Variants in SFXN5 observed in about 807,000 individuals in gnomAD.
SFXN5 encodes the protein sideroflexin-5.
A neutral mutation model predicts 50.2 loss-of-function variants in SFXN5; 43 were observed. That is an observed-to-expected ratio of 0.86 (90% CI 0.67 to 1.11). SFXN5 has a LOEUF of 1.11. SFXN5 is among the 50% of genes least tolerant of loss of function. The pLI is 0.00. For missense variants in SFXN5, 463 were observed against 454.1 expected, an observed-to-expected ratio of 1.02 and a Z score of -0.18; for synonymous variants, 203 against 185.8, an observed-to-expected ratio of 1.09 and a Z score of -0.75.
At chr2:73,037,477 G>A (rs1679131673) in intron 3 of SFXN5, among the ~76,000 whole-genome samples, 1 of 152,194 alleles carries the variant, frequency 6.6e-6, no homozygotes, top group Admixed American at 6.5e-5. Context: ...GAGAAAAAGT[G>A]ATGAAAGCAA....
chr2:73,006,185 C>T (rs185836715), intron 6 of SFXN5, among the ~76,000 whole-genome samples: 52 of 152,102 alleles, frequency 3.4e-4, no homozygotes, highest in African/African-American at 1.2e-3. Flanking sequence ...AATCCCTGGT[C>T]CAAGGAGGAG....
intron 3 of SFXN5, 121 bp downstream of exon 3, chr2:73,040,733 A>T: frequency 4.3e-6 from 3 of 698,052 alleles, no homozygotes; most frequent in South Asian, 4.0e-5. Context: ...CCACAGGGGT[A>T]TGTACCAGCA....
chr2:73,028,025 A>G (rs566952976), intron 3 of SFXN5, among the ~76,000 whole-genome samples: 1 of 152,260 alleles, frequency 6.6e-6, no homozygotes, highest in East Asian at 1.9e-4. Context: ...ATACACAAAT[A>G]CCATGTGTTC....
At chr2:73,007,202 C>G (rs571758609) in intron 6 of SFXN5, among the ~76,000 whole-genome samples, 53 of 152,254 alleles carry the variant, frequency 3.5e-4, no homozygotes, top group South Asian at 1.7e-3. Flanking sequence ...GCCCCCACCC[C>G]CTTGGCCACC....
intron 3 of SFXN5, among the ~76,000 whole-genome samples, chr2:73,035,210 A>G (rs1318592303): frequency 6.6e-6 from 1 of 152,178 alleles, no homozygotes; most frequent in East Asian, 1.9e-4. Context: ...CACCATGGGG[A>G]GGGGTCTTCC....
intron 2 of SFXN5, among the ~76,000 whole-genome samples, chr2:73,046,883 CTACAA>C (rs1680411100): frequency 6.7e-6 from 1 of 148,202 alleles, no homozygotes; most frequent in African/African-American, 2.5e-5. Context: ...TTTTTTTTTC[CTACAA>C]TACATTTAAA....
At position 73,038,141 on chromosome 2, in the gene SFXN5, C is replaced by T. The variant is rs34705317; in HGVS notation, c.249+2713G>A. On this transcript the variant is annotated intron_variant, in intron 3 of 13. Transcript: ENST00000272433. ...AACCTAGATGGGCAAGCCTGCAACA[C>T]ACCTAGGCTACCTCGTAGGTAGAGC... 4.6e-3 allele frequency among the ~76,000 whole-genome samples: 699 copies of T among 152,352 alleles called. 5 individuals carry two copies. The highest frequency in any genetic ancestry group is 6.8e-3 in the Non-Finnish European group (461 of 68,038).
intron 10 of SFXN5, among the ~76,000 whole-genome samples, chr2:72,975,149 G>C (rs1670484786): frequency 6.6e-6 from 1 of 152,224 alleles, no homozygotes; most frequent in Non-Finnish European, 1.5e-5. Context: ...TCAGTGTTAA[G>C]TCCTGAAGAG....
At chr2:73,014,928 C>G (rs1675962147) in intron 6 of SFXN5, among the ~76,000 whole-genome samples, 1 of 152,120 alleles carries the variant, frequency 6.6e-6, no homozygotes, top group Non-Finnish European at 1.5e-5. Flanking sequence ...CTTTCCAACT[C>G]TAATACCATT....
In SFXN5 at chr2:73,029,627, G is replaced by A. The variant is rs1020413529; in HGVS notation, c.250-6413C>T. 1.2e-4 allele frequency among the ~76,000 whole-genome samples: 19 copies of A among 152,168 alleles called. 1 individual carries two copies. Among genetic ancestry groups the A allele is most frequent in the African/African-American group, 3.4e-4 (14 of 41,444 alleles). On this transcript the variant is annotated intron_variant, in intron 3 of 13. Coordinates refer to ENST00000272433, the MANE Select transcript of SFXN5 (RefSeq NM_144579.3). ...CAGGCCTCCTCACCTAGGTCTCCCC[G>A]GCACTGGAGCATGTCAGTGTCTGAG...
intron 10 of SFXN5, among the ~76,000 whole-genome samples, chr2:72,972,838 G>T (rs566783827): frequency 6.6e-6 from 1 of 152,240 alleles, no homozygotes; most frequent in African/African-American, 2.4e-5. Flanking sequence ...GGGAGTGTGT[G>T]AGCCTGGGAG....
chr2:72,978,376 G>A (rs1458803543), intron 10 of SFXN5, among the ~76,000 whole-genome samples: 11 of 150,444 alleles, frequency 7.3e-5, no homozygotes, highest in East Asian at 5.9e-4. Flanking sequence ...TCTGCCTCCC[G>A]GGTTCAAGCG....
chr2:72,974,235 T>C (rs1275029260), intron 10 of SFXN5, among the ~76,000 whole-genome samples: 1 of 152,074 alleles, frequency 6.6e-6, no homozygotes, highest in Non-Finnish European at 1.5e-5. Context: ...TGTGTGTGTA[T>C]GCATAGGGGA....
chr2:72,993,661 G>C lies in SFXN5; in HGVS notation c.534+5288C>G, dbSNP rs557006215. Among the ~76,000 whole-genome samples, 23 of 152,144 alleles carry C rather than the reference G, an allele frequency of 1.5e-4. 1 individual carries two copies. The South Asian group carries it at 4.8e-3, about 32-fold the overall frequency. ...TCTGAACACTGCAGATTCTCTACAG[G>C]GTCCATGAGATGGACCCTCCAAACC... is the stretch of plus-strand genomic sequence containing the variant. On this transcript the variant is annotated intron_variant, in intron 9 of 13. Coordinates refer to ENST00000272433, the MANE Select transcript of SFXN5 (RefSeq NM_144579.3).
chr2:72,985,875 G>A (rs1489572147), intron 10 of SFXN5, among the ~76,000 whole-genome samples: 1 of 152,196 alleles, frequency 6.6e-6, no homozygotes, highest in Non-Finnish European at 1.5e-5. Context: ...CTCTCCTCCT[G>A]AAAGAGTCCC....
intron 1 of SFXN5, chr2:73,071,394 G>A: frequency 3.6e-6 from 2 of 552,854 alleles, no homozygotes; most frequent in Admixed American, 3.4e-5. Context: ...ACGGCGCCAA[G>A]GGCCAATAGG....
At chr2:72,972,916 G>C (rs1393324122) in intron 10 of SFXN5, among the ~76,000 whole-genome samples, 1 of 152,016 alleles carries the variant, frequency 6.6e-6, no homozygotes, top group Admixed American at 6.5e-5. Flanking sequence ...CCTTCCAGTG[G>C]GGGGGGCCAC....
At chr2:73,021,258 G>A (rs535752877) in intron 5 of SFXN5, among the ~76,000 whole-genome samples, 1 of 152,198 alleles carries the variant, frequency 6.6e-6, no homozygotes, top group South Asian at 2.1e-4. Context: ...CAAAGCAGGC[G>A]GATCACTTGA....
chr2:72,976,243 A>G (rs565199754), intron 10 of SFXN5, among the ~76,000 whole-genome samples: 19 of 152,270 alleles, frequency 1.2e-4, no homozygotes, highest in African/African-American at 4.3e-4. Context: ...AATTTTCTAT[A>G]ATATTTAAAT....
Sources: gnomAD v4.1 joint callset for allele counts (sites outside exome capture counted in the v4.1 genomes callset) on GRCh38, gnomAD v4.1.1 for gene constraint, MANE v1.5 for transcripts, NCBI Gene and HGNC (gene_info 2026-07-23, HGNC 2026-07-21) for gene names.